The following TMEM131L variants were observed in gnomAD, a reference collection of about 807,000 sequenced individuals.
TMEM131L encodes the protein transmembrane 131 like.
In TMEM131L, 54 loss-of-function variants were observed where a neutral mutation model predicts 192.2. That is an observed-to-expected ratio of 0.28 (90% CI 0.23 to 0.35). The LOEUF is 0.35. TMEM131L is among the 10% of genes least tolerant of loss of function. The pLI, the probability that TMEM131L is intolerant of heterozygous loss-of-function variation, is 1.00. For synonymous variants in TMEM131L, 701 were observed against 704.9 expected, an observed-to-expected ratio of 0.99 and a Z score of 0.09; for missense variants, 1,888 against 1,972.9, an observed-to-expected ratio of 0.96 and a Z score of 0.82.
intron 31 of TMEM131L, among the ~76,000 whole-genome samples, chr4:153,630,174 C>T (rs537628470): frequency 4.7e-4 from 71 of 152,344 alleles, no homozygotes; most frequent in Middle Eastern, 3.4e-3. Context: ...GTAGCCCTGG[C>T]TTCTGGTAGA....
At chr4:153,473,032 A>G (rs1174310772) in intron 2 of TMEM131L, among the ~76,000 whole-genome samples, 1 of 152,238 alleles carries the variant, frequency 6.6e-6, no homozygotes, top group Non-Finnish European at 1.5e-5. Flanking sequence ...AGTTAAGTTC[A>G]GCATTTTCCC....
intron 29 of TMEM131L, among the ~76,000 whole-genome samples, chr4:153,623,997 A>G (rs1219463519): frequency 2.0e-5 from 3 of 151,382 alleles, no homozygotes; most frequent in African/African-American, 7.3e-5. Flanking sequence ...TCCATTTTAA[A>G]TTTTACATTC....
At chr4:153,544,794 G>A (rs1177518250) in intron 3 of TMEM131L, among the ~76,000 whole-genome samples, 8 of 152,128 alleles carry the variant, frequency 5.3e-5, no homozygotes, top group Non-Finnish European at 1.0e-4. Flanking sequence ...GGTTTTGATC[G>A]TGGGCATATG....
At chr4:153,490,754 G>C (rs1271475957) in intron 3 of TMEM131L, among the ~76,000 whole-genome samples, 3 of 151,962 alleles carry the variant, frequency 2.0e-5, no homozygotes, top group Non-Finnish European at 4.4e-5. Flanking sequence ...ATTAGATCGA[G>C]ACCATCTTGG....
chr4:153,608,173 C>T lies in TMEM131L; in HGVS notation c.3418+3743C>T, dbSNP rs1179422384. On this transcript the variant is annotated intron_variant, in intron 25 of 34. Coordinates refer to ENST00000409959, the MANE Select transcript of TMEM131L (RefSeq NM_001131007.2). ...AAAAAAAATGTGTCCCTTTTCTACT[C>T]CATTTCCCCTGCCTGCTTCGGAGAG... Among the ~76,000 whole-genome samples the T allele has an allele frequency of 2.6e-5, 4 of 152,240 alleles. No individual in the cohort carries two copies. The South Asian group carries it at 6.2e-4, about 24-fold the overall frequency.
At chr4:153,611,966 C>G (rs573439578) in intron 25 of TMEM131L, among the ~76,000 whole-genome samples, 5 of 152,244 alleles carry the variant, frequency 3.3e-5, no homozygotes, top group African/African-American at 1.2e-4. Flanking sequence ...GGACACTTGG[C>G]ATTTTCCCAC....
intron 25 of TMEM131L, among the ~76,000 whole-genome samples, chr4:153,612,014 G>A (rs1303652126): frequency 9.7e-6 from 1 of 102,598 alleles, no homozygotes; most frequent in African/African-American, 3.7e-5. Context: ...GTGAATATTG[G>A]TGTCCCCCCC....
chr4:153,622,147 A>AG (rs1198108147), intron 28 of TMEM131L, among the ~76,000 whole-genome samples: 1 of 152,126 alleles, frequency 6.6e-6, no homozygotes, highest in African/African-American at 2.4e-5. Flanking sequence ...CTTTGGTGAA[A>AG]GGGGGGAGTA....
rs564525428 is a variant in TMEM131L, at chr4:153,593,995, C to T, written c.1995+124C>T. ...TATATATGGCTCTTTTATTTTGATT[C>T]TCTGGGCATTAACGATACATAGCAG... On this transcript the variant is annotated intron_variant, in intron 19 of 34. Transcript: ENST00000409959. 1.3e-3 allele frequency: 878 copies of T among 681,618 alleles called. 8 individuals carry two copies. The South Asian group carries it at 0.015, about 11-fold the overall frequency. The allele number at this position is 681,618 out of a possible 1,614,324, so 42.2% of individuals were successfully genotyped here. A position where few individuals can be genotyped will look rare whatever the true frequency, so the allele number is the denominator to read the frequency against.
chr4:153,596,178 T>C, intron 19 of TMEM131L, 80 bp from the exon 20 acceptor site: 1 of 1,517,622 alleles, frequency 6.6e-7, no homozygotes, highest in Non-Finnish European at 9.0e-7. Flanking sequence ...AGCAATCGTG[T>C]TTAAACTCTA....
At chr4:153,620,369 G>A (rs1476296593) in intron 26 of TMEM131L, among the ~76,000 whole-genome samples, 1 of 152,142 alleles carries the variant, frequency 6.6e-6, no homozygotes, top group Admixed American at 6.5e-5. Context: ...GACACAACTT[G>A]ATCCTAAGTT....
intron 3 of TMEM131L, among the ~76,000 whole-genome samples, chr4:153,539,142 A>T (rs1045820069): frequency 6.6e-6 from 1 of 152,180 alleles, no homozygotes; most frequent in African/African-American, 2.4e-5. Context: ...TTCATACAAC[A>T]TATGTTTAAG....
chr4:153,579,975 A>G (rs1730220526), intron 7 of TMEM131L, among the ~76,000 whole-genome samples: 1 of 152,164 alleles, frequency 6.6e-6, no homozygotes, highest in Admixed American at 6.5e-5. Flanking sequence ...ATGCCTTCTT[A>G]CCTTGCCAAG....
intron 25 of TMEM131L, among the ~76,000 whole-genome samples, chr4:153,605,612 C>T (rs964646907): frequency 6.6e-6 from 1 of 152,232 alleles, no homozygotes; most frequent in Non-Finnish European, 1.5e-5. Flanking sequence ...GCCTTGGCCT[C>T]CTAAAATGCT....
At chr4:153,540,131 C>CAA (rs66469233) in intron 3 of TMEM131L, among the ~76,000 whole-genome samples, 3 of 145,710 alleles carry the variant, frequency 2.1e-5, no homozygotes, top group South Asian at 4.3e-4. Context: ...AACAAAAAAA[C>CAA]AAAAAAAAAA....
intron 3 of TMEM131L, among the ~76,000 whole-genome samples, chr4:153,523,470 A>G (rs527931278): frequency 6.6e-5 from 10 of 152,336 alleles, no homozygotes; most frequent in African/African-American, 2.4e-4. Context: ...GGGAAATAGC[A>G]CTACATTGTT....
intron 7 of TMEM131L, among the ~76,000 whole-genome samples, chr4:153,572,907 T>G (rs1402948039): frequency 6.6e-6 from 1 of 152,184 alleles, no homozygotes. Context: ...CTACTTTCTG[T>G]CTCTATGAAT....
chr4:153,627,083 G>A (rs1049496045), intron 30 of TMEM131L, among the ~76,000 whole-genome samples: 6 of 152,130 alleles, frequency 3.9e-5, no homozygotes, highest in African/African-American at 1.4e-4. Flanking sequence ...CAGTTAAGAG[G>A]GTGAGTTTGT....
rs536810634 is a variant in TMEM131L, at chr4:153,555,993, T to C, written c.432+83T>C. The C allele has an allele frequency of 2.2e-5, 31 of 1,400,932 alleles. No individual in the cohort carries two copies. Among genetic ancestry groups the C allele is most frequent in the Middle Eastern group, 2.3e-4 (1 of 4,392 alleles). The allele number at this position is 1,400,932 out of a possible 1,614,324, so 86.8% of individuals were successfully genotyped here. On this transcript the variant is annotated intron_variant, in intron 5 of 34. Coordinates refer to ENST00000409959, the MANE Select transcript of TMEM131L (RefSeq NM_001131007.2). The surrounding 1 kb of genome is among the most constrained non-coding windows in gnomAD (Gnocchi z 4.1). ...TTTCTTTGGCCTGAAGTTTTTACTT[T>C]CTGCTCCCTGTCTCCCGCTTTTTCT...
Sources: gnomAD v4.1 joint callset for allele counts (sites outside exome capture counted in the v4.1 genomes callset) on GRCh38, gnomAD v4.1.1 for gene constraint, Gnocchi (gnomAD v3.1) non-coding constraint, MANE v1.5 for transcripts, NCBI Gene and HGNC (gene_info 2026-07-23, HGNC 2026-07-21) for gene names.